The following FANCB variants were observed in gnomAD, a reference collection of about 807,000 sequenced individuals.
FANCB encodes the protein Fanconi anemia group B protein.
Under a neutral mutation model 38.9 loss-of-function variants are expected in FANCB, and 5 were observed. That is an observed-to-expected ratio of 0.13 (90% confidence interval 0.07 to 0.27). FANCB has a LOEUF of 0.27. Ranked by LOEUF, FANCB falls within the 10% of genes least tolerant of loss-of-function variation. The pLI is 1.00. For missense variants in FANCB, 573 were observed against 602.7 expected (o/e 0.95, Z 0.52); for synonymous variants, 236 against 215.4 (o/e 1.10, Z -0.84).
At chrX:14,714,003 T>C in the FANCB span, among the ~76,000 whole-genome samples, 1 of 111,696 alleles carries the variant, frequency 9.0e-6, no homozygotes, top group East Asian at 2.8e-4. Flanking sequence ...ATTATCCTGA[T>C]GAGCCACCAA....
At chrX:14,802,515 A>T in the FANCB span, among the ~76,000 whole-genome samples, 1 of 111,640 alleles carries the variant, frequency 9.0e-6, no homozygotes, top group East Asian at 2.8e-4. Flanking sequence ...ATATAGAAAG[A>T]TCATTTTCTA....
In FANCB at chrX:14,865,366, C is replaced by T; in HGVS notation, c.145G>A (p.Val49Ile). 1 of 1,203,239 alleles carries T rather than the reference C, an allele frequency of 8.3e-7. No homozygotes were observed. Among genetic ancestry groups the T allele is most frequent in the South Asian group, 1.8e-5 (1 of 55,623 alleles). ...AATACTTTTGTTCCTCTGTCAAATA[C>T]CATTCTTCTGACATGTAATATGGGT... ...KTPILHVRRM[V>I]FDRGTKVFVQ... Residue 49 changes from valine (V) to isoleucine (I), a missense_variant, in exon 3 of 10, where the codon GTA becomes ATA. Physicochemically the swap from Val to Ile is conservative, Grantham distance 29. Transcript: ENST00000650831.
chrX:14,740,147 A>G, the FANCB span, among the ~76,000 whole-genome samples: 3 of 112,107 alleles, frequency 2.7e-5, no homozygotes, highest in South Asian at 1.1e-3. Context: ...CCAAGAGTTC[A>G]TCAAATTCAA....
chrX:14,850,704 T>C (rs752669982), intron 6 of FANCB, 30 bp from the exon 7 acceptor site: 3 of 934,176 alleles, frequency 3.2e-6, no homozygotes, highest in Non-Finnish European at 4.5e-6. Flanking sequence ...TAACTGATTA[T>C]AAAATACGTA....
chrX:14,721,595 C>G, the FANCB span, among the ~76,000 whole-genome samples: 1 of 111,464 alleles, frequency 9.0e-6, no homozygotes, highest in Non-Finnish European at 1.9e-5. Flanking sequence ...TCTGAAAGAG[C>G]TTATCAGGTA....
chrX:14,871,140 C>G (rs907764758), intron 1 of FANCB, among the ~76,000 whole-genome samples: 3 of 110,493 alleles, frequency 2.7e-5, no homozygotes, highest in African/African-American at 9.9e-5. Flanking sequence ...GAATCGTGAT[C>G]AACTAAATTA....
At chrX:14,796,238 G>A in the FANCB span, among the ~76,000 whole-genome samples, 1 of 109,488 alleles carries the variant, frequency 9.1e-6, no homozygotes, top group African/African-American at 3.3e-5. Context: ...CTTGCACATT[G>A]GCAATCAAGA....
chrX:14,862,147 C>T (rs1353424513), intron 3 of FANCB: 1 of 53,668 alleles, frequency 1.9e-5, no homozygotes, highest in Non-Finnish European at 3.5e-5. Flanking sequence ...CTAATATTTC[C>T]CTTTTTTTTT....
At chrX:14,803,181 G>A in the FANCB span, among the ~76,000 whole-genome samples, 4 of 112,086 alleles carry the variant, frequency 3.6e-5, no homozygotes, top group African/African-American at 1.3e-4. Context: ...CATTATGAGA[G>A]CCAAGATGTT....
chrX:14,800,231 C>T, the FANCB span, among the ~76,000 whole-genome samples: 1 of 111,782 alleles, frequency 8.9e-6, no homozygotes, highest in East Asian at 2.8e-4. Context: ...TGGCTCAGAA[C>T]CCTGTGACTT....
chrX:14,730,137 G>T, the FANCB span: 1 of 820,886 alleles, frequency 1.2e-6, no homozygotes. Flanking sequence ...TACTTCTAAA[G>T]AATTTTAAGC....
the FANCB span, among the ~76,000 whole-genome samples, chrX:14,752,785 AT>A: frequency 8.9e-6 from 1 of 111,752 alleles, no homozygotes; most frequent in Non-Finnish European, 1.9e-5. Context: ...TATTTCCTCA[AT>A]TGTCAAGGTT....
the FANCB span, among the ~76,000 whole-genome samples, chrX:14,801,127 C>T: frequency 3.8e-4 from 42 of 111,761 alleles, no homozygotes; most frequent in African/African-American, 1.3e-3. Flanking sequence ...AATGGTGGTG[C>T]CATGGCATGG....
At chrX:14,698,248 G>A in the FANCB span, among the ~76,000 whole-genome samples, 1 of 111,115 alleles carries the variant, frequency 9.0e-6, no homozygotes, top group East Asian at 2.8e-4. Flanking sequence ...GGAGTTTTGG[G>A]TACCCCCTCA....
chrX:14,701,409 A>G, the FANCB span, among the ~76,000 whole-genome samples: 1 of 111,505 alleles, frequency 9.0e-6, no homozygotes. Flanking sequence ...AAGAATTTCA[A>G]GATGGCAACA....
the FANCB span, among the ~76,000 whole-genome samples, chrX:14,776,058 A>T: frequency 1.2e-5 from 1 of 82,250 alleles, no homozygotes; most frequent in Non-Finnish European, 2.1e-5. Context: ...GGAAAGAAAA[A>T]TTCGTGATTT....
chrX:14,796,503 C>CATATATTATATATATAAT, the FANCB span, among the ~76,000 whole-genome samples: 1 of 95,369 alleles, frequency 1.0e-5, no homozygotes, highest in African/African-American at 3.8e-5. Flanking sequence ...ATATATATAA[C>CATATATTATATATATAAT]ATATATAATA....
chrX:14,859,427 T>A, intron 3 of FANCB, 93 bp from the exon 4 acceptor site: 1 of 616,271 alleles, frequency 1.6e-6, no homozygotes, highest in Non-Finnish European at 2.6e-6. Flanking sequence ...GTAGTTGTCA[T>A]TTGTAAAACT....
the FANCB span, among the ~76,000 whole-genome samples, chrX:14,729,562 C>T: frequency 9.0e-6 from 1 of 111,240 alleles, no homozygotes; most frequent in South Asian, 3.7e-4. Context: ...GATTCACCAG[C>T]CAAATAATCA....
Sources: gnomAD v4.1 joint callset for allele counts (sites outside exome capture counted in the v4.1 genomes callset) on GRCh38, gnomAD v4.1.1 for gene constraint, MANE v1.5 for transcripts, NCBI Gene and HGNC (gene_info 2026-07-23, HGNC 2026-07-21) for gene names.